The following ERMN variants were observed in gnomAD, a reference collection of about 807,000 sequenced individuals.
ERMN encodes ermin, also known as ermin, ERM-like protein.
A neutral mutation model predicts 21.4 loss-of-function variants in ERMN; 17 were observed. That is an observed-to-expected ratio of 0.80 (90% CI 0.54 to 1.19). The LOEUF (loss-of-function observed/expected upper bound fraction) is 1.19. Among genes scored for constraint, ERMN ranks in the 50% most tolerant of loss-of-function variants. ERMN has a pLI of 0.00. For synonymous variants in ERMN, 115 were observed against 111.9 expected (o/e 1.03, Z -0.17); for missense variants, 348 against 331.6 (o/e 1.05, Z -0.38).
rs1174955615 is a variant in ERMN, at chr2:157,324,525, C to T, written c.334+145G>A. On this transcript the variant is annotated intron_variant, in intron 2 of 2. Transcript: ENST00000410096. ...GAACCCACAGATAAGTTAAGACTCTCTTATCTGCCTACAGCAGCTTTGAAA... is the reference window on the plus strand; with the variant it reads ...GAACCCACAGATAAGTTAAGACTCTTTTATCTGCCTACAGCAGCTTTGAAA... 8 of 659,244 alleles carry T rather than the reference C, an allele frequency of 1.2e-5. No homozygotes were observed. The East Asian group carries it at 1.7e-4, about 14-fold the overall frequency. 40.8% of individuals were successfully genotyped at this position (659,244 alleles called of 1,614,324 possible).
intron 2 of ERMN, 141 bp from the exon 3 acceptor site, chr2:157,321,932 T>C: frequency 1.3e-6 from 1 of 758,220 alleles, no homozygotes; most frequent in Non-Finnish European, 2.0e-6. Context: ...GGGTTACCAA[T>C]ATGTTTTGCA....
In ERMN at chr2:157,325,701, C is replaced by T. The variant is rs948447367; in HGVS notation, c.-59G>A. The T allele has an allele frequency of 1.2e-6, 2 of 1,609,356 alleles. No individual in the cohort carries two copies. Among genetic ancestry groups the T allele is most frequent in the African/African-American group, 1.3e-5 (1 of 74,860 alleles). On this transcript the variant is annotated 5_prime_UTR_variant, in exon 1 of 3. Coordinates refer to ENST00000410096, the MANE Select transcript of ERMN (RefSeq NM_020711.3). ...TTTAGGGAAACTGAGTGAGTAGATC[C>T]TTGATAAGATACCTGCTCTTGCCTT...
At chr2:157,322,635 C>T (rs908497190) in intron 2 of ERMN, among the ~76,000 whole-genome samples, 1 of 152,188 alleles carries the variant, frequency 6.6e-6, no homozygotes, top group Non-Finnish European at 1.5e-5. Flanking sequence ...ATATTCTACT[C>T]TCTCCGAAAG....
upstream of ERMN, chr2:157,327,316 T>C: frequency 1.6e-6 from 1 of 613,890 alleles, no homozygotes; most frequent in Non-Finnish European, 3.0e-6. Context: ...CTCTAATAGA[T>C]CCTAGATCTC....
upstream of ERMN, among the ~76,000 whole-genome samples, chr2:157,326,212 A>G (rs539169549): frequency 1.4e-3 from 206 of 152,330 alleles, 1 homozygote; most frequent in African/African-American, 4.4e-3. Flanking sequence ...TGTAAAGGAC[A>G]ATGGCATTGT....
At chr2:157,325,965 G>A (rs796764315), upstream of ERMN, 8 of 1,207,228 alleles carry the variant, frequency 6.6e-6, no homozygotes, top group African/African-American at 1.2e-4. Flanking sequence ...ACAATCTGAA[G>A]CAATCAGGCT....
intron 2 of ERMN, among the ~76,000 whole-genome samples, chr2:157,323,436 A>G (rs1381849377): frequency 6.6e-6 from 1 of 152,202 alleles, no homozygotes; most frequent in Non-Finnish European, 1.5e-5. Context: ...TATTTCCTTA[A>G]GTGTTGCTAC....
chr2:157,321,767 A>T lies in ERMN; in HGVS notation c.359T>A (p.Leu120Gln). The T allele has an allele frequency of 6.2e-7, 1 of 1,610,856 alleles. No homozygotes were observed. The highest frequency in any genetic ancestry group is 8.5e-7 in the Non-Finnish European group (1 of 1,179,184). ...TCTTATTTCCTGGTTACTGCCACTC[A>T]GAGGAATCTTCTCCCACTGATGCCC... is the stretch of plus-strand genomic sequence containing the variant. The part of the protein sequence containing the change: ...REGHQWEKIP[L>Q]SGSNQEIRRQ... Residue 120 changes from leucine (L) to glutamine (Q), a missense_variant, in exon 3 of 3, where the codon CTG (leucine) becomes CAG (glutamine). Leu to Gln is a moderately radical substitution (Grantham distance 113, BLOSUM62 -2). Transcript: ENST00000410096.
At chr2:157,327,685 T>C (rs2105193211), upstream of ERMN, 1 of 551,852 alleles carries the variant, frequency 1.8e-6, no homozygotes, top group East Asian at 3.1e-5. Context: ...GGGTTCGGCA[T>C]TAGCACCTTG....
intron 2 of ERMN, among the ~76,000 whole-genome samples, chr2:157,323,493 G>A (rs1683968684): frequency 6.6e-6 from 1 of 152,184 alleles, no homozygotes; most frequent in Non-Finnish European, 1.5e-5. Context: ...AAAGGGAGCA[G>A]ATGTAGGAAA....
chr2:157,327,645 A>T, upstream of ERMN: 1 of 601,024 alleles, frequency 1.7e-6, no homozygotes, highest in South Asian at 2.0e-5. Flanking sequence ...GCCTGTGTGC[A>T]GATGTTTCCT....
chr2:157,321,277 A>G lies in ERMN; in HGVS notation c.849T>C (p.His283=). Residue 283 remains histidine (H), a synonymous_variant, in exon 3 of 3, where the codon CAT becomes CAC. Transcript: ENST00000410096. ...TTTCTCAGTTCCAGTTAGTTTATAAATGCATCATAGACTCGAATTCATCAA... is the reference window on the plus strand; with the variant it reads ...TTTCTCAGTTCCAGTTAGTTTATAAGTGCATCATAGACTCGAATTCATCAA... ...QRIDEFESMM[H]L is the part of the protein sequence containing the mutation. 2.5e-6 allele frequency: 4 copies of G among 1,612,012 alleles called. No homozygotes were observed. Among genetic ancestry groups the G allele is most frequent in the Non-Finnish European group, 3.4e-6 (4 of 1,178,706 alleles).
upstream of ERMN, among the ~76,000 whole-genome samples, chr2:157,326,129 G>A (rs1684063004): frequency 6.6e-6 from 1 of 152,192 alleles, no homozygotes; most frequent in Non-Finnish European, 1.5e-5. Context: ...TGACCACCTT[G>A]AGGCATATTA....
rs1346131426 is a variant in ERMN, at chr2:157,325,301, T to A, written c.241+101A>T. 3 of 1,488,012 alleles carry A rather than the reference T, an allele frequency of 2.0e-6. No homozygotes were observed. The East Asian group carries it at 6.9e-5, about 34-fold the overall frequency. 92.2% of individuals were successfully genotyped at this position (1,488,012 alleles called of 1,614,324 possible). ...TGCGTAGTAGAATAAAGGGCTACAT[T>A]TTTGGGGTGTCCAGCTCATTTCGAT... On this transcript the variant is annotated intron_variant, in intron 1 of 2. Transcript: ENST00000410096.
chr2:157,324,532 G>A, intron 2 of ERMN, 138 bp downstream of exon 2: 1 of 678,882 alleles, frequency 1.5e-6, no homozygotes, highest in Non-Finnish European at 2.6e-6. Flanking sequence ...TCTCTTATCT[G>A]CCTACAGCAG....
At chr2:157,321,886 A>T in intron 2 of ERMN, 95 bp from the exon 3 acceptor site, 1 of 1,048,310 alleles carries the variant, frequency 9.5e-7, no homozygotes, top group East Asian at 2.6e-5. Flanking sequence ...CTTGCTAATC[A>T]CTTCCCAACA....
Position 157,319,129 on chromosome 2 carries a change from T to C in ERMN, c.*2142A>G, listed in dbSNP as rs1244706016. ...GTGGCTTTCAACTCTGTGGCTTTCG[T>C]GTAAGATGGCGGTATAGGGCCATGG... On this transcript the variant is annotated 3_prime_UTR_variant, in exon 3 of 3. Coordinates refer to ENST00000410096, the MANE Select transcript of ERMN (RefSeq NM_020711.3). 1 of 152,214 alleles carries C rather than the reference T, an allele frequency of 6.6e-6. No individual in the cohort carries two copies. 9.4% of individuals were successfully genotyped at this position (152,214 alleles called of 1,614,324 possible).
intron 2 of ERMN, among the ~76,000 whole-genome samples, chr2:157,322,267 CACACA>C (rs1256667608): frequency 3.3e-5 from 5 of 151,942 alleles, no homozygotes; most frequent in African/African-American, 1.2e-4. Flanking sequence ...CACACACACA[CACACA>C]CCTCAAGGAA....
intron 2 of ERMN, among the ~76,000 whole-genome samples, chr2:157,323,536 T>A (rs543098509): frequency 6.6e-6 from 1 of 152,352 alleles, no homozygotes; most frequent in East Asian, 1.9e-4. Flanking sequence ...CCTTGACATC[T>A]ACTATTTTAT....
Sources: allele counts gnomAD v4.1 joint callset (sites outside exome capture counted in the v4.1 genomes callset), GRCh38; gene constraint gnomAD v4.1.1; transcripts MANE v1.5; gene names NCBI Gene and HGNC (gene_info 2026-07-23, HGNC 2026-07-21).